CACNA1E: variants seen among roughly 807,000 people sequenced by gnomAD.
CACNA1E encodes the protein calcium voltage-gated channel subunit alpha1 E.
Under a neutral mutation model 259.2 loss-of-function variants are expected in CACNA1E, and 40 were observed. The ratio of observed to expected loss-of-function variants is 0.15; its 90% confidence interval spans 0.12 to 0.20. The LOEUF (loss-of-function observed/expected upper bound fraction) is 0.20, where lower values mean the gene tolerates loss of function less well. Ranked by LOEUF, CACNA1E falls within the 10% of genes least tolerant of loss-of-function variation. The pLI, the probability that CACNA1E is intolerant of heterozygous loss-of-function variation, is 1.00. For missense variants in CACNA1E, 1,874 were observed against 3,040.1 expected, an observed-to-expected ratio of 0.62 and a Z score of 9.02; for synonymous variants, 1,104 against 1,138.5, an observed-to-expected ratio of 0.97 and a Z score of 0.61.
chr1:181,542,510 G>A (rs1329572786), intron 3 of CACNA1E, among the ~76,000 whole-genome samples: 1 of 152,002 alleles, frequency 6.6e-6, no homozygotes, highest in Non-Finnish European at 1.5e-5. Context: ...TCATGGGGGT[G>A]GTTTCCCCCA....
At chr1:181,558,870 G>A (rs1053461413) in intron 3 of CACNA1E, among the ~76,000 whole-genome samples, 2 of 152,158 alleles carry the variant, frequency 1.3e-5, no homozygotes, top group Admixed American at 6.5e-5. Flanking sequence ...GACGTTGGCA[G>A]TAGGGATAGA....
In CACNA1E at chr1:181,724,411, T is replaced by C. The variant is rs1056483153; in HGVS notation, c.2075-59T>C. 9.8e-6 allele frequency: 14 copies of C among 1,424,080 alleles called. No individual in the cohort carries two copies. In the African/African-American group the frequency reaches 1.8e-4, roughly 19 times the overall value. The allele number at this position is 1,424,080 out of a possible 1,614,324, so 88.2% of individuals were successfully genotyped here. ...GCAGGAAAGATTATCAGGTGGCCTC[T>C]CAGCCTTGCTGAAGACTTTTGCTTT... On this transcript the variant is annotated intron_variant, in intron 16 of 47. Transcript: ENST00000367573.
At chr1:181,486,046 G>A (rs1229857743) in intron 1 of CACNA1E, among the ~76,000 whole-genome samples, 2 of 152,238 alleles carry the variant, frequency 1.3e-5, no homozygotes, top group Admixed American at 6.5e-5. Context: ...CCTACACCAC[G>A]TGGTCACCTT....
intron 2 of CACNA1E, among the ~76,000 whole-genome samples, chr1:181,454,278 G>C (rs74830786): frequency 1.3e-5 from 2 of 152,082 alleles, no homozygotes; most frequent in South Asian, 2.1e-4. Context: ...TCCCCACCCC[G>C]CTCCCCAGAG....
At chr1:181,555,253 G>T (rs1047194367) in intron 3 of CACNA1E, among the ~76,000 whole-genome samples, 1 of 152,218 alleles carries the variant, frequency 6.6e-6, no homozygotes, top group African/African-American at 2.4e-5. Context: ...CCAGAAAGGG[G>T]TATACCTACC....
intron 1 of CACNA1E, among the ~76,000 whole-genome samples, chr1:181,402,035 G>A (rs1196393403): frequency 6.6e-6 from 1 of 152,174 alleles, no homozygotes; most frequent in Admixed American, 6.5e-5. Context: ...TGTGATGATT[G>A]ATGGCCCAGA....
chr1:181,637,866 T>C (rs1259353820), intron 6 of CACNA1E, among the ~76,000 whole-genome samples: 1 of 152,114 alleles, frequency 6.6e-6, no homozygotes, highest in Non-Finnish European at 1.5e-5. Flanking sequence ...AAAGGCATTA[T>C]AGGCAGTGGG....
intron 2 of CACNA1E, among the ~76,000 whole-genome samples, chr1:181,463,964 G>C (rs565691324): frequency 6.6e-6 from 1 of 151,896 alleles, no homozygotes; most frequent in South Asian, 2.1e-4. Flanking sequence ...AATCTATCTG[G>C]AATTAATTTT....
At chr1:181,724,013 G>A (rs1056596961) in intron 16 of CACNA1E, among the ~76,000 whole-genome samples, 1 of 152,176 alleles carries the variant, frequency 6.6e-6, no homozygotes, top group South Asian at 2.1e-4. Flanking sequence ...CAGGGGTTGT[G>A]GGGGTAGGGC....
chr1:181,769,039 G>A (rs6678772), intron 35 of CACNA1E, among the ~76,000 whole-genome samples: 10,245 of 152,298 alleles, frequency 0.067, 406 homozygotes, highest in East Asian at 0.19. Flanking sequence ...TGCTGGGGAT[G>A]AGAAAGAGCC....
intron 46 of CACNA1E, 110 bp downstream of exon 46, chr1:181,795,154 C>G: frequency 1.1e-6 from 1 of 918,786 alleles, no homozygotes; most frequent in Non-Finnish European, 1.6e-6. Flanking sequence ...GAGACAAGGG[C>G]TGAAGAAAGT....
chr1:181,322,579 G>A (rs962500473), intron 1 of CACNA1E, among the ~76,000 whole-genome samples: 1 of 152,196 alleles, frequency 6.6e-6, no homozygotes, highest in African/African-American at 2.4e-5. Flanking sequence ...TGTTATGAAT[G>A]TCATCCTCAT....
rs1653307568 is a variant in CACNA1E at position 181,711,087 on chromosome 1, C to T, written c.1171+18C>T. The T allele has an allele frequency of 6.4e-7, 1 of 1,560,394 alleles. No homozygotes were observed. The highest frequency in any genetic ancestry group is 1.4e-5 in the African/African-American group (1 of 73,862). On this transcript the variant is annotated intron_variant, in intron 8 of 47. Transcript: ENST00000367573. ...CAAAGCAGGTAGGCCTGGGGGGCTG[C>T]AGGAGGCTGGTGAGTGGGCTGCAGA... is the stretch of plus-strand genomic sequence containing the variant.
Position 181,758,909 on chromosome 1 carries a change from T to C in CACNA1E, c.4605+41T>C. ...CTTCCCAGCACTGGGCTTGTCTCTT[T>C]CTGTTGGGTGCCTTCCCAGTCTTTG... On this transcript the variant is annotated intron_variant, in intron 32 of 47. Coordinates refer to ENST00000367573, the MANE Select transcript of CACNA1E (RefSeq NM_001205293.3). This position sits in a 1 kb window ranked among gnomAD's most constrained non-coding sequence, Gnocchi z 4.2. 1.8e-6 allele frequency: 2 copies of C among 1,112,964 alleles called. No homozygotes were observed. Among genetic ancestry groups the C allele is most frequent in the Non-Finnish European group, 2.7e-6 (2 of 732,796 alleles). 68.9% of individuals were successfully genotyped at this position (1,112,964 alleles called of 1,614,324 possible). A position where few individuals can be genotyped will look rare whatever the true frequency, so the allele number is the denominator to read the frequency against.
chr1:181,395,824 G>A (rs1443708165), intron 1 of CACNA1E, among the ~76,000 whole-genome samples: 1 of 152,162 alleles, frequency 6.6e-6, no homozygotes, highest in African/African-American at 2.4e-5. Context: ...AGTGTTTCAA[G>A]GGGGCAAGAG....
At chr1:181,405,025 C>CTCT in intron 1 of CACNA1E, among the ~76,000 whole-genome samples, 1 of 152,368 alleles carries the variant, frequency 6.6e-6, no homozygotes, top group East Asian at 1.9e-4. Flanking sequence ...AGAGCTGCAG[C>CTCT]ATGAGGGGTT....
At chr1:181,656,984 A>G (rs985433801) in intron 7 of CACNA1E, among the ~76,000 whole-genome samples, 4 of 152,214 alleles carry the variant, frequency 2.6e-5, no homozygotes, top group African/African-American at 9.6e-5. Flanking sequence ...GTGTTCACAC[A>G]ACAACAACAT....
At chr1:181,391,937 CTCTCTCTCTGTGTGTG>C (rs1656322094) in intron 1 of CACNA1E, among the ~76,000 whole-genome samples, 4 of 74,946 alleles carry the variant, frequency 5.3e-5, no homozygotes, top group African/African-American at 1.6e-4. Flanking sequence ...CTCTCTCTCT[CTCTCTCTCTGTGTGTG>C]TGTGTGTGTG....
chr1:181,451,901 GC>G (rs1273503272), intron 2 of CACNA1E, among the ~76,000 whole-genome samples: 1 of 152,164 alleles, frequency 6.6e-6, no homozygotes, highest in Non-Finnish European at 1.5e-5. Flanking sequence ...AACTGGTGAG[GC>G]CTGCAGGACT....
Sources: gnomAD v4.1 joint callset for allele counts (sites outside exome capture counted in the v4.1 genomes callset) on GRCh38, gnomAD v4.1.1 for gene constraint, Gnocchi (gnomAD v3.1) non-coding constraint, MANE v1.5 for transcripts, NCBI Gene and HGNC (gene_info 2026-07-23, HGNC 2026-07-21) for gene names.